The following ZNRF2 variants were observed in gnomAD, a reference collection of about 807,000 sequenced individuals.
ZNRF2 encodes the protein E3 ubiquitin-protein ligase ZNRF2.
In ZNRF2, 16 loss-of-function variants were observed where a neutral mutation model predicts 20.4. That is an observed-to-expected ratio of 0.79 (90% confidence interval 0.53 to 1.19). The LOEUF (loss-of-function observed/expected upper bound fraction) is 1.19, where lower values mean the gene tolerates loss of function less well. Among genes scored for constraint, ZNRF2 ranks in the 50% most tolerant of loss-of-function variants. ZNRF2 has a pLI of 0.00. For synonymous variants in ZNRF2, 178 were observed against 144.9 expected, an observed-to-expected ratio of 1.23 and a Z score of -1.64; for missense variants, 363 against 332.4, an observed-to-expected ratio of 1.09 and a Z score of -0.72.
intron 1 of ZNRF2, among the ~76,000 whole-genome samples, chr7:30,289,379 A>G (rs1020405387): frequency 8.5e-5 from 13 of 152,246 alleles, no homozygotes; most frequent in African/African-American, 3.1e-4. Flanking sequence ...TCAATTAACC[A>G]TTATGGAATC....
chr7:30,327,033 A>G (rs536507059), intron 2 of ZNRF2, among the ~76,000 whole-genome samples: 11 of 151,298 alleles, frequency 7.3e-5, no homozygotes, highest in South Asian at 2.1e-4. Flanking sequence ...TGGATATTAA[A>G]CCTTTGTCAG....
chr7:30,334,432 C>T (rs1799686606), intron 2 of ZNRF2, among the ~76,000 whole-genome samples: 1 of 152,128 alleles, frequency 6.6e-6, no homozygotes, highest in South Asian at 2.1e-4. Context: ...TAATGTGATG[C>T]CTCTGGCATT....
intron 2 of ZNRF2, among the ~76,000 whole-genome samples, chr7:30,352,515 G>A (rs1193022933): frequency 2.6e-5 from 4 of 151,942 alleles, no homozygotes; most frequent in South Asian, 2.1e-4. Flanking sequence ...TAAGCAATGC[G>A]CTCATTTAAC....
At chr7:30,355,207 A>G (rs1800017938) in intron 2 of ZNRF2, among the ~76,000 whole-genome samples, 3 of 152,188 alleles carry the variant, frequency 2.0e-5, no homozygotes, top group Non-Finnish European at 2.9e-5. Flanking sequence ...TTCAGAATCT[A>G]TACAAAAGTT....
chr7:30,323,680 G>T lies in ZNRF2; in HGVS notation c.508G>T (p.Asp170Tyr). 6.2e-7 allele frequency: 1 copy of T among 1,600,598 alleles called. No homozygotes were observed. Among genetic ancestry groups the T allele is most frequent in the Middle Eastern group, 1.7e-4 (1 of 6,028 alleles). The change falls in exon 2 of 5, where the codon GAT (aspartate) becomes TAT (tyrosine). Residue 170 changes from aspartate (D) to tyrosine (Y), a missense_variant. Asp to Tyr is a radical substitution (Grantham distance 160). Coordinates refer to ENST00000323037, the MANE Select transcript of ZNRF2 (RefSeq NM_147128.4). Reference sequence around the variant, plus strand: ...TGTATGCTCAAAATTTGTATCCTCAGATGAAATGGATTTGCATCTTGTAAT... The same window carrying T: ...TGTATGCTCAAAATTTGTATCCTCATATGAAATGGATTTGCATCTTGTAAT... ...CPVCSKFVSS[D>Y]EMDLHLVMCL...
chr7:30,335,070 G>C lies in ZNRF2; in HGVS notation c.565+11333G>C, dbSNP rs576610292. ...ATTAGTTTGATGAGAAGGAAGTCCT[G>C]ATCAATCTAGAAAGCCTGAAGTAGG... is the stretch of plus-strand genomic sequence containing the variant. On this transcript the variant is annotated intron_variant, in intron 2 of 4. Transcript: ENST00000323037. Among the ~76,000 whole-genome samples the C allele has an allele frequency of 5.3e-5, 8 of 152,182 alleles. No individual in the cohort carries two copies. In the East Asian group the frequency reaches 1.5e-3, roughly 29 times the overall value.
intron 1 of ZNRF2, among the ~76,000 whole-genome samples, chr7:30,311,633 A>G (rs1422149646): frequency 6.6e-6 from 1 of 152,182 alleles, no homozygotes; most frequent in Non-Finnish European, 1.5e-5. Context: ...TGGCTTAAAT[A>G]CTTAGGAGTT....
intron 2 of ZNRF2, among the ~76,000 whole-genome samples, chr7:30,326,908 A>G (rs1371499981): frequency 6.6e-6 from 1 of 151,932 alleles, no homozygotes; most frequent in Non-Finnish European, 1.5e-5. Context: ...TTTTTTTCAT[A>G]TGATTCTTGG....
chr7:30,314,797 A>ATATG (rs915074555), intron 1 of ZNRF2, among the ~76,000 whole-genome samples: 2 of 150,902 alleles, frequency 1.3e-5, no homozygotes, highest in Non-Finnish European at 2.9e-5. Flanking sequence ...AAATATATAT[A>ATATG]TATATATGTA....
intron 1 of ZNRF2, among the ~76,000 whole-genome samples, chr7:30,312,720 T>G (rs1302209537): frequency 1.3e-5 from 2 of 152,202 alleles, no homozygotes; most frequent in African/African-American, 4.8e-5. Flanking sequence ...ACATTTTCTG[T>G]TTTTATTTGA....
chr7:30,345,109 C>G (rs145982447), intron 2 of ZNRF2, among the ~76,000 whole-genome samples: 15 of 152,182 alleles, frequency 9.9e-5, no homozygotes, highest in African/African-American at 3.4e-4. Flanking sequence ...ATATGTAGAT[C>G]TAGATCTACT....
At position 30,351,604 on chromosome 7, in the gene ZNRF2, C is replaced by T. The variant is rs547963984; in HGVS notation, c.566-4124C>T. Among the ~76,000 whole-genome samples, 5 of 152,084 alleles carry T rather than the reference C, an allele frequency of 3.3e-5. 1 individual carries two copies. Among genetic ancestry groups the T allele is most frequent in the Admixed American group, 2.6e-4 (4 of 15,278 alleles). On this transcript the variant is annotated intron_variant, in intron 2 of 4. Coordinates refer to ENST00000323037, the MANE Select transcript of ZNRF2 (RefSeq NM_147128.4). ...ACGTTGCTTTAAAGTGAAATTGTTT[C>T]TTGTAGCAGAATTCATGAAGTAGGA...
At chr7:30,298,005 C>G (rs886818815) in intron 1 of ZNRF2, among the ~76,000 whole-genome samples, 12 of 152,110 alleles carry the variant, frequency 7.9e-5, no homozygotes, top group African/African-American at 2.9e-4. Context: ...GTTGGGACCA[C>G]AGGTGCATGC....
intron 2 of ZNRF2, among the ~76,000 whole-genome samples, chr7:30,339,054 G>C (rs1014310814): frequency 1.3e-5 from 2 of 152,104 alleles, no homozygotes; most frequent in African/African-American, 4.8e-5. Flanking sequence ...ATGTTTCTTG[G>C]CCACATAAAT....
intron 1 of ZNRF2, among the ~76,000 whole-genome samples, chr7:30,311,180 G>A (rs1799286860): frequency 1.3e-5 from 2 of 152,056 alleles, no homozygotes. Flanking sequence ...TTGGCCTCTT[G>A]AACTTGGTGC....
Position 30,285,001 on chromosome 7 carries a change from G to A in ZNRF2, c.-357G>A, listed in dbSNP as rs953559831. 4 of 384,730 alleles carry A rather than the reference G, an allele frequency of 1.0e-5. No individual in the cohort carries two copies. The highest frequency in any genetic ancestry group is 1.5e-4 in the East Asian group (1 of 6,632). 23.8% of individuals were successfully genotyped at this position (384,730 alleles called of 1,614,324 possible). A position where few individuals can be genotyped will look rare whatever the true frequency, so the allele number is the denominator to read the frequency against. On this transcript the variant is annotated 5_prime_UTR_variant, in exon 1 of 5. Coordinates refer to ENST00000323037, the MANE Select transcript of ZNRF2 (RefSeq NM_147128.4). ...ATCGGGGGCGCCGAGCGCGGCAGCA[G>A]AGAGCGGTAGCGGCCCGTCGTGGCG...
intron 1 of ZNRF2, among the ~76,000 whole-genome samples, chr7:30,323,340 G>T (rs1387811851): frequency 6.6e-6 from 1 of 152,054 alleles, no homozygotes; most frequent in Non-Finnish European, 1.5e-5. Context: ...ACAGGTTAAT[G>T]TAAAAAATTA....
At chr7:30,288,907 C>T (rs938787415) in intron 1 of ZNRF2, 1 of 152,072 alleles carries the variant, frequency 6.6e-6, no homozygotes, top group Admixed American at 6.6e-5. Context: ...TTTACGTCTA[C>T]GTTTTTTTTT....
intron 1 of ZNRF2, among the ~76,000 whole-genome samples, chr7:30,301,699 T>A (rs866747663): frequency 4.0e-5 from 5 of 126,364 alleles, no homozygotes; most frequent in Non-Finnish European, 6.5e-5. Context: ...GAGGCTTTTT[T>A]TAAAAAAAAA....
Sources: gnomAD v4.1 joint callset for allele counts (sites outside exome capture counted in the v4.1 genomes callset) on GRCh38, gnomAD v4.1.1 for gene constraint, MANE v1.5 for transcripts, NCBI Gene and HGNC (gene_info 2026-07-23, HGNC 2026-07-21) for gene names.